The following ITGA1 variants were observed in gnomAD, a reference collection of about 807,000 sequenced individuals.
The protein encoded by ITGA1 is integrin subunit alpha 1.
A neutral mutation model predicts 145.9 loss-of-function variants in ITGA1; 85 were observed. The observed-to-expected ratio is 0.58, with a 90% CI of 0.49 to 0.70. ITGA1 has a LOEUF of 0.70. ITGA1 is among the 30% of genes least tolerant of loss of function. The pLI, the probability that ITGA1 is intolerant of heterozygous loss-of-function variation, is 0.00. For synonymous variants in ITGA1, 520 were observed against 495.3 expected, an observed-to-expected ratio of 1.05 and a Z score of -0.66; for missense variants, 1,351 against 1,418.7, an observed-to-expected ratio of 0.95 and a Z score of 0.77.
intron 6 of ITGA1, among the ~76,000 whole-genome samples, chr5:52,866,297 G>A (rs892082402): frequency 6.6e-6 from 1 of 152,160 alleles, no homozygotes; most frequent in Non-Finnish European, 1.5e-5. Flanking sequence ...TATTACAGGC[G>A]TGAGCCACTG....
intron 5 of ITGA1, 69 bp from the exon 6 acceptor site, chr5:52,865,621 A>AT (rs1749675101): frequency 7.9e-7 from 1 of 1,261,126 alleles, no homozygotes; most frequent in Non-Finnish European, 1.0e-6. Context: ...TCTTTCAGCC[A>AT]TGAAAGCACT....
At position 52,939,930 on chromosome 5, in the gene ITGA1, C is replaced by T; in HGVS notation, c.3271C>T (p.Pro1091Ser). 1 of 1,589,126 alleles carries T rather than the reference C, an allele frequency of 6.3e-7. No individual in the cohort carries two copies. The highest frequency in any genetic ancestry group is 8.6e-7 in the Non-Finnish European group (1 of 1,157,344). The part of the protein sequence containing the change: ...QVNVSLILWK[P>S]TFIKSYFSSL... ...CAATGTTTCGCTTATCTTGTGGAAA[C>T]CAACTTTTATAAAAGTAAGTAAATA... The change falls in exon 26 of 29, where the codon CCA becomes TCA. Residue 1091 changes from proline (P) to serine (S), a missense_variant. Physicochemically the swap from Pro to Ser is moderately conservative, Grantham distance 74 (BLOSUM62 -1). Transcript: ENST00000282588.
At chr5:52,864,606 T>C (rs1749654586) in intron 3 of ITGA1, among the ~76,000 whole-genome samples, 157 bp from the exon 4 acceptor site, 1 of 152,228 alleles carries the variant, frequency 6.6e-6, no homozygotes, top group African/African-American at 2.4e-5. Flanking sequence ...AGCTTGTTCA[T>C]TATATTCCTT....
chr5:52,858,340 C>T lies in ITGA1; in HGVS notation c.183-3107C>T, dbSNP rs146271963. Among the ~76,000 whole-genome samples the T allele has an allele frequency of 1.8e-4, 28 of 152,320 alleles. No individual in the cohort carries two copies. In the East Asian group the frequency reaches 4.8e-3, roughly 26 times the overall value. ...CAACTTCTACTGCAGTTATACTGAG[C>T]TACTTGGCATTTATCAAAGGAGTGG... On this transcript the variant is annotated intron_variant, in intron 2 of 28. Coordinates refer to ENST00000282588, the MANE Select transcript of ITGA1 (RefSeq NM_181501.2).
intron 14 of ITGA1, among the ~76,000 whole-genome samples, chr5:52,912,184 C>CTATATATAGCGTATCTAGTATATAGATAT (rs1561246962): frequency 3.0e-5 from 4 of 133,882 alleles, no homozygotes; most frequent in African/African-American, 8.3e-5. Flanking sequence ...TATATAGATA[C>CTATATATAGCGTATCTAGTATATAGATAT]GCTATATATA....
intron 1 of ITGA1, chr5:52,800,434 G>A: frequency 6.2e-7 from 1 of 1,614,050 alleles, no homozygotes; most frequent in South Asian, 1.1e-5. Context: ...GGACAATGCG[G>A]GCCAGGTGAC....
intron 6 of ITGA1, among the ~76,000 whole-genome samples, chr5:52,867,849 T>C (rs984561389): frequency 1.3e-5 from 2 of 151,662 alleles, no homozygotes; most frequent in Non-Finnish European, 2.9e-5. Flanking sequence ...TTTGCTGTTG[T>C]TTTTTTTCTT....
chr5:52,878,053 A>G (rs898261608), intron 6 of ITGA1, among the ~76,000 whole-genome samples: 3 of 152,212 alleles, frequency 2.0e-5, no homozygotes, highest in African/African-American at 7.2e-5. Context: ...TCAGCTTGAT[A>G]TGGAAGGGGA....
chr5:52,876,048 A>T (rs1326715919), intron 6 of ITGA1, among the ~76,000 whole-genome samples: 1 of 152,098 alleles, frequency 6.6e-6, no homozygotes, highest in Non-Finnish European at 1.5e-5. Flanking sequence ...AGGAAGCTGA[A>T]TCCTCCTTCC....
intron 8 of ITGA1, among the ~76,000 whole-genome samples, chr5:52,888,581 C>A (rs1350159980): frequency 6.6e-6 from 1 of 152,202 alleles, no homozygotes; most frequent in Non-Finnish European, 1.5e-5. Flanking sequence ...TTTTCTGATG[C>A]AATTTATAAG....
At chr5:52,830,762 A>G (rs1023995523) in intron 1 of ITGA1, among the ~76,000 whole-genome samples, 3 of 152,174 alleles carry the variant, frequency 2.0e-5, no homozygotes, top group African/African-American at 7.2e-5. Flanking sequence ...TAACTGACAT[A>G]CAGCAGAGGC....
At chr5:52,847,329 G>A (rs1395750264) in intron 1 of ITGA1, among the ~76,000 whole-genome samples, 1 of 152,050 alleles carries the variant, frequency 6.6e-6, no homozygotes, top group Non-Finnish European at 1.5e-5. Context: ...GAGTAGTGTG[G>A]ATTTAAAGTA....
intron 7 of ITGA1, among the ~76,000 whole-genome samples, chr5:52,886,626 GA>G (rs1186970816): frequency 6.6e-6 from 1 of 152,150 alleles, no homozygotes; most frequent in Non-Finnish European, 1.5e-5. Context: ...ACTCCAGAGC[GA>G]AAAGGTTTGA....
chr5:52,927,927 A>G (rs1750836582), intron 20 of ITGA1, among the ~76,000 whole-genome samples: 1 of 152,110 alleles, frequency 6.6e-6, no homozygotes, highest in South Asian at 2.1e-4. Context: ...TGGAGCCCCC[A>G]TGAGGGATTA....
rs922366495 is a variant in ITGA1 at position 52,891,823 on chromosome 5, A to T, written c.925-1852A>T. ...ATTAGGTCATATCTACATATTGGGG[A>T]TTTTTAAATTTTTTTGCATGTTAAA... On this transcript the variant is annotated intron_variant, in intron 8 of 28. Transcript: ENST00000282588. Among the ~76,000 whole-genome samples, 4 of 152,018 alleles carry T rather than the reference A, an allele frequency of 2.6e-5. No individual in the cohort carries two copies. In the South Asian group the frequency reaches 8.3e-4, roughly 31 times the overall value.
chr5:52,889,174 C>T (rs571502914), intron 8 of ITGA1, among the ~76,000 whole-genome samples: 12 of 149,004 alleles, frequency 8.1e-5, no homozygotes, highest in Admixed American at 2.7e-4. Flanking sequence ...GATCTCGGCT[C>T]ACTGCAACCT....
intron 1 of ITGA1, among the ~76,000 whole-genome samples, chr5:52,791,764 G>GA (rs1304517137): frequency 6.6e-6 from 1 of 150,864 alleles, no homozygotes; most frequent in Non-Finnish European, 1.5e-5. Context: ...GATTAGCCTT[G>GA]AAAAAAAGAA....
At position 52,881,854 on chromosome 5, in the gene ITGA1, CA is replaced by C; in HGVS notation, c.625-18del. 1 of 1,597,278 alleles carries C rather than the reference CA, an allele frequency of 6.3e-7. No homozygotes were observed. The highest frequency in any genetic ancestry group is 8.5e-7 in the Non-Finnish European group (1 of 1,170,938). On this transcript the variant is annotated intron_variant, in intron 6 of 28. Transcript: ENST00000282588. ...GAAATTTGGATTGACGTATAACTCA[CA>C]GTGGCTTGGTATTTCAGGTTGGAAT... is the stretch of plus-strand genomic sequence containing the variant.
At chr5:52,887,636 T>C (rs1395766029) in intron 7 of ITGA1, among the ~76,000 whole-genome samples, 179 bp from the exon 8 acceptor site, 1 of 152,190 alleles carries the variant, frequency 6.6e-6, no homozygotes, top group East Asian at 1.9e-4. Context: ...CTGAAATAAA[T>C]CTAAAACTAT....
Sources: allele counts gnomAD v4.1 joint callset (sites outside exome capture counted in the v4.1 genomes callset), GRCh38; gene constraint gnomAD v4.1.1; transcripts MANE v1.5; gene names NCBI Gene and HGNC (gene_info 2026-07-23, HGNC 2026-07-21).